SMUG1: variants seen among roughly 807,000 people sequenced by gnomAD.
SMUG1 encodes the protein single-strand selective monofunctional uracil DNA glycosylase.
SMUG1 carries 13 observed loss-of-function variants against 23.9 expected under a neutral mutation model. The ratio of observed to expected loss-of-function variants is 0.54; its 90% CI spans 0.35 to 0.86. SMUG1 has a LOEUF of 0.86. Ranked by LOEUF, SMUG1 falls within the 40% of genes least tolerant of loss-of-function variation. The probability of loss-of-function intolerance (pLI) is 0.01; values close to 1 mark genes in which losing one functional copy is unlikely to be tolerated. For synonymous variants in SMUG1, 133 were observed against 139.8 expected, an observed-to-expected ratio of 0.95 and a Z score of 0.34; for missense variants, 313 against 339.5, an observed-to-expected ratio of 0.92 and a Z score of 0.61.
intron 3 of SMUG1, among the ~76,000 whole-genome samples, chr12:54,166,320 C>G (rs1237079986): frequency 7.9e-5 from 12 of 152,188 alleles, no homozygotes; most frequent in Admixed American, 7.2e-4. Flanking sequence ...TAGATCACGC[C>G]ATTGTACTCC....
chr12:54,185,516 AT>A lies in SMUG1; in HGVS notation c.-19-1558del. Among the ~76,000 whole-genome samples the A allele has an allele frequency of 2.9e-5, 3 of 101,770 alleles. 1 individual carries two copies. The highest frequency in any genetic ancestry group is 6.8e-5 in the Non-Finnish European group (3 of 44,222). The allele number at this position is 101,770 out of a possible 152,430, so 66.8% of individuals were successfully genotyped here. On this transcript the variant is annotated intron_variant, in intron 2 of 3. Transcript: ENST00000682136. ...AATAAATAAATAAATAAATAAATAA[AT>A]AAATAAATAAATTTGCCGGGCGCAA...
At chr12:54,177,490 A>AT (rs1255510219), downstream of SMUG1, among the ~76,000 whole-genome samples, 1 of 152,062 alleles carries the variant, frequency 6.6e-6, no homozygotes, top group Non-Finnish European at 1.5e-5. Context: ...GAAGAATTGA[A>AT]TTTTTTTCCT....
intron 3 of SMUG1, chr12:54,171,970 ACTC>A (rs1940630830): frequency 4.9e-6 from 2 of 406,036 alleles, no homozygotes; most frequent in East Asian, 1.5e-4. Context: ...AAATTTGACC[ACTC>A]CTCATCACCT....
intron 2 of SMUG1, among the ~76,000 whole-genome samples, chr12:54,172,584 G>A (rs943937464): frequency 2.0e-5 from 3 of 152,198 alleles, no homozygotes; most frequent in African/African-American, 7.2e-5. Flanking sequence ...GGGCAGGGGG[G>A]ACGTGCCCCA....
chr12:54,184,349 A>T (rs1941835333), intron 2 of SMUG1: 1 of 158,076 alleles, frequency 6.3e-6, no homozygotes. Flanking sequence ...AAAAAAGAAA[A>T]GCCCAGCCAG....
chr12:54,173,293 G>C (rs1238529130), intron 2 of SMUG1: 1 of 154,304 alleles, frequency 6.5e-6, no homozygotes, highest in African/African-American at 2.4e-5. Flanking sequence ...GGAGCAGCTG[G>C]AGAGGGAGGT....
Position 54,181,564 on chromosome 12 carries a change from A to G in SMUG1, c.*532T>C. 9 of 1,552,818 alleles carry G rather than the reference A, an allele frequency of 5.8e-6. No homozygotes were observed. The highest frequency in any genetic ancestry group is 7.8e-6 in the Non-Finnish European group (9 of 1,155,446). On this transcript the variant is annotated 3_prime_UTR_variant, in exon 4 of 4. Coordinates refer to ENST00000682136, the MANE Select transcript of SMUG1 (RefSeq NM_001243787.2). ...CAGGTCTTCTGACTTGCACTCTGTC[A>G]CACTGGATTTTTCCTCTGATCCAGC...
intron 1 of SMUG1, among the ~76,000 whole-genome samples, chr12:54,188,308 AATAATAAT>A (rs1184537930): frequency 2.3e-5 from 3 of 128,710 alleles, no homozygotes; most frequent in African/African-American, 1.0e-4. Context: ...TAATAATAAT[AATAATAAT>A]AATAATAATA....
downstream of SMUG1, among the ~76,000 whole-genome samples, chr12:54,178,318 T>C (rs982301152): frequency 6.6e-6 from 1 of 152,138 alleles, no homozygotes; most frequent in Non-Finnish European, 1.5e-5. Flanking sequence ...ACCCCAGGAA[T>C]TGAAAGCAAC....
At position 54,181,615 on chromosome 12, in the gene SMUG1, C is replaced by A; in HGVS notation, c.*481G>T. ...TGCAGCCTCCCATAAGAAGTTCACT[C>A]TTAATTTCATGTCCCATGCTTTGTC... On this transcript the variant is annotated 3_prime_UTR_variant, in exon 4 of 4. Transcript: ENST00000682136. The A allele has an allele frequency of 6.3e-7, 1 of 1,584,648 alleles. No individual in the cohort carries two copies. Among genetic ancestry groups the A allele is most frequent in the Non-Finnish European group, 8.5e-7 (1 of 1,172,914 alleles).
Position 54,171,872 on chromosome 12 carries a change from G to C in SMUG1, c.*52+153C>G, listed in dbSNP as rs112009735. On this transcript the variant is annotated intron_variant and NMD_transcript_variant, in intron 3 of 4. Transcript: ENST00000509864. ...GGCAAATCCATTGCTGTGGTCACTC[G>C]GGCCAAAAAATCTTGGTCTTATCCT... 7.3e-3 allele frequency among the ~76,000 whole-genome samples: 1,106 copies of C among 151,894 alleles called. 15 individuals carry two copies. The highest frequency in any genetic ancestry group is 0.025 in the African/African-American group (1,032 of 41,390).
intron 2 of SMUG1, among the ~76,000 whole-genome samples, chr12:54,173,515 T>A (rs1168462401): frequency 6.6e-6 from 1 of 152,084 alleles, no homozygotes; most frequent in Non-Finnish European, 1.5e-5. Context: ...GCGGGGAAAT[T>A]ACCGCCAGAA....
downstream of SMUG1, among the ~76,000 whole-genome samples, chr12:54,159,786 G>A (rs1418124680): frequency 6.6e-6 from 1 of 152,214 alleles, no homozygotes; most frequent in Non-Finnish European, 1.5e-5. Flanking sequence ...ACTAGTGCCA[G>A]GATGTGAGTG....
At chr12:54,163,609 G>T (rs529370825), downstream of SMUG1, among the ~76,000 whole-genome samples, 1 of 152,232 alleles carries the variant, frequency 6.6e-6, no homozygotes, top group South Asian at 2.1e-4. Context: ...AAGGAGGAGG[G>T]CTATGTTAGT....
chr12:54,168,809 C>T (rs1420932121), intron 3 of SMUG1, among the ~76,000 whole-genome samples: 1 of 152,080 alleles, frequency 6.6e-6, no homozygotes, highest in Non-Finnish European at 1.5e-5. Context: ...GGATGCTTTC[C>T]TCTCCCCAAT....
At chr12:54,169,598 A>G (rs535009746) in intron 3 of SMUG1, among the ~76,000 whole-genome samples, 1 of 151,888 alleles carries the variant, frequency 6.6e-6, no homozygotes, top group South Asian at 2.1e-4. Context: ...GGGAAAGAGG[A>G]GAGTCCATGT....
chr12:54,171,968 C>G (rs1940630683), intron 3 of SMUG1: 3 of 407,140 alleles, frequency 7.4e-6, no homozygotes, highest in Non-Finnish European at 1.6e-5. Context: ...AAAAATTTGA[C>G]CACTCCTCAT....
downstream of SMUG1, among the ~76,000 whole-genome samples, chr12:54,175,361 C>T (rs1240442596): frequency 6.6e-6 from 1 of 152,240 alleles, no homozygotes. Flanking sequence ...AGCTCCACTT[C>T]TCATCTTCCA....
At chr12:54,183,454 T>C in intron 3 of SMUG1, 1 of 598,690 alleles carries the variant, frequency 1.7e-6, no homozygotes, top group East Asian at 2.8e-5. Flanking sequence ...GAAACTACCA[T>C]TAATGTGCTT....
Sources: gnomAD v4.1 joint callset for allele counts (sites outside exome capture counted in the v4.1 genomes callset) on GRCh38, gnomAD v4.1.1 for gene constraint, MANE v1.5 for transcripts, NCBI Gene and HGNC (gene_info 2026-07-23, HGNC 2026-07-21) for gene names.